The following PPP2R3C variants were observed in gnomAD, a reference collection of about 807,000 sequenced individuals.
PPP2R3C encodes serine/threonine-protein phosphatase 2A regulatory subunit B'' subunit gamma.
Under a neutral mutation model 63.7 loss-of-function variants are expected in PPP2R3C, and 47 were observed. That is an observed-to-expected ratio of 0.74 (90% confidence interval 0.58 to 0.94). The LOEUF (loss-of-function observed/expected upper bound fraction) is 0.94, where lower values mean the gene tolerates loss of function less well. Among genes scored for constraint, PPP2R3C ranks in the 40% least tolerant of loss-of-function variants. The pLI, the probability that PPP2R3C is intolerant of heterozygous loss-of-function variation, is 0.00. For missense variants in PPP2R3C, 421 were observed against 518.4 expected, an observed-to-expected ratio of 0.81 and a Z score of 1.82; for synonymous variants, 180 against 177.4, an observed-to-expected ratio of 1.01 and a Z score of -0.12.
Position 35,087,988 on chromosome 14 carries a change from A to G in PPP2R3C, c.1136T>C (p.Ile379Thr). The G allele has an allele frequency of 6.2e-7, 1 of 1,600,342 alleles. No homozygotes were observed. Among genetic ancestry groups the G allele is most frequent in the Non-Finnish European group, 8.6e-7 (1 of 1,167,604 alleles). The stretch of plus-strand genomic sequence containing the variant: ...AAATGAAACAGGATCTTGTCCATGG[A>G]TTTTCATTAGTTCCTGTATGGCCTG... ...FFRAIQELMK[I>T]HGQDPVSFQD... The change falls in exon 12 of 13, where the codon ATC (isoleucine) becomes ACC (threonine). Residue 379 changes from isoleucine to threonine, a missense_variant. Around this residue, in one of 3 missense-constraint regions of PPP2R3C, gnomAD observed 231 missense variants for 264.8 expected, o/e 0.87. Transcript: ENST00000261475.
At chr14:35,087,695 C>T (rs192382701) in intron 12 of PPP2R3C, 272 of 398,730 alleles carry the variant, frequency 6.8e-4, no homozygotes, top group African/African-American at 5.2e-3. Flanking sequence ...CCACTGAGCC[C>T]GGCCCCCTGA....
chr14:35,108,233 T>C lies in PPP2R3C; in HGVS notation c.408A>G (p.Gln136=), dbSNP rs2046423191. Residue 136 remains glutamine (Q), a synonymous_variant, in exon 5 of 13, where the codon CAA becomes CAG. Transcript: ENST00000261475. ...VGEKAGAKCK[Q]FFTAKVFAKL... is the part of the protein sequence containing the mutation. ...TAGCAAAGACTTTTGCTGTGAAAAA[T>C]TGCCTAAGAAAAGAAAATAAAGATT... 3 of 1,570,162 alleles carry C rather than the reference T, an allele frequency of 1.9e-6. No homozygotes were observed. In the East Asian group the frequency reaches 6.9e-5, roughly 36 times the overall value.
intron 4 of PPP2R3C, among the ~76,000 whole-genome samples, chr14:35,108,601 C>T (rs2046438093): frequency 6.6e-6 from 1 of 151,460 alleles, no homozygotes; most frequent in Non-Finnish European, 1.5e-5. Flanking sequence ...TTATATTGGC[C>T]CAGCCAATAT....
chr14:35,085,950 C>T, intron 12 of PPP2R3C, 172 bp from the exon 13 acceptor site: 1 of 572,152 alleles, frequency 1.7e-6, no homozygotes, highest in East Asian at 3.1e-5. Context: ...TTCCATTTAA[C>T]AGGCAGTTTC....
rs1381272494 is a variant in PPP2R3C, at chr14:35,091,108, C to T, written c.1075G>A (p.Gly359Arg). The change falls in exon 11 of 13, where the codon GGA becomes AGA. Residue 359 changes from glycine (G) to arginine (R), a missense_variant. Physicochemically the swap from Gly to Arg is moderately radical, Grantham distance 125. Around this residue, in one of 3 missense-constraint regions of PPP2R3C, gnomAD observed 231 missense variants for 264.8 expected, o/e 0.87. Transcript: ENST00000261475. ...TTAAGTGAAAAGACATTCAGGTATC[C>T]TTTGTTCTCAATATCAAGCAGTTTG... The part of the protein sequence containing the change: ...IFKLLDIENK[G>R]YLNVFSLNYF... The T allele has an allele frequency of 1.2e-6, 2 of 1,607,556 alleles. No individual in the cohort carries two copies. Among genetic ancestry groups the T allele is most frequent in the South Asian group, 2.2e-5 (2 of 90,548 alleles).
intron 1 of PPP2R3C, among the ~76,000 whole-genome samples, chr14:35,117,716 T>C (rs1439112835): frequency 6.6e-6 from 1 of 152,006 alleles, no homozygotes; most frequent in Non-Finnish European, 1.5e-5. Context: ...TTTTTGGAGA[T>C]GGAGCTTCAC....
At chr14:35,098,918 G>A in intron 7 of PPP2R3C, 1 of 177,444 alleles carries the variant, frequency 5.6e-6, no homozygotes, top group Non-Finnish European at 1.2e-5. Flanking sequence ...AGCAGAGACA[G>A]CAAATTATAT....
chr14:35,122,298 C>T (rs1566434773), upstream of PPP2R3C: 2 of 302,196 alleles, frequency 6.6e-6, no homozygotes, highest in Non-Finnish European at 1.3e-5. Flanking sequence ...CACCACGTGA[C>T]CCAGGAGTTC....
intron 2 of PPP2R3C, among the ~76,000 whole-genome samples, chr14:35,111,991 T>C (rs1159001941): frequency 2.0e-5 from 3 of 152,254 alleles, no homozygotes; most frequent in African/African-American, 7.2e-5. Context: ...CCCATCTTGA[T>C]AAATTGGCTC....
At chr14:35,108,368 A>G in intron 4 of PPP2R3C, 132 bp from the exon 5 acceptor site, 3 of 1,207,252 alleles carry the variant, frequency 2.5e-6, no homozygotes, top group Non-Finnish European at 3.2e-6. Flanking sequence ...TTATAATTCA[A>G]AAACTTAAAA....
chr14:35,093,516 CTCTTT>C (rs1403547617), intron 10 of PPP2R3C, among the ~76,000 whole-genome samples: 1 of 152,040 alleles, frequency 6.6e-6, no homozygotes, highest in Middle Eastern at 3.2e-3. Context: ...GCCTTTTCCC[CTCTTT>C]TCTTTTGTTG....
chr14:35,122,035 C>G, upstream of PPP2R3C: 1 of 1,526,010 alleles, frequency 6.6e-7, no homozygotes, highest in Non-Finnish European at 9.1e-7. Context: ...GGCGTCAGCA[C>G]CGCCAGGCCC....
At chr14:35,098,977 A>G in intron 7 of PPP2R3C, 1 of 253,602 alleles carries the variant, frequency 3.9e-6, no homozygotes, top group Non-Finnish European at 7.3e-6. Flanking sequence ...ATGACTGACT[A>G]CCCAGTTCAT....
chr14:35,096,788 A>AT (rs2046012483), intron 7 of PPP2R3C, 24 bp from the exon 8 acceptor site: 2 of 1,538,538 alleles, frequency 1.3e-6, no homozygotes, highest in East Asian at 4.6e-5. Flanking sequence ...AAGAAACACA[A>AT]TTAATTTCAT....
intron 11 of PPP2R3C, among the ~76,000 whole-genome samples, chr14:35,090,147 A>T (rs1170005007): frequency 6.6e-6 from 1 of 152,008 alleles, no homozygotes; most frequent in Non-Finnish European, 1.5e-5. Context: ...GATAAATTCT[A>T]TACTTGTGAT....
chr14:35,097,094 A>C (rs2046023234), intron 7 of PPP2R3C, among the ~76,000 whole-genome samples: 1 of 152,138 alleles, frequency 6.6e-6, no homozygotes, highest in South Asian at 2.1e-4. Flanking sequence ...GGGCGCCTGT[A>C]ATCCCAGCTA....
At chr14:35,122,045 C>T (rs1324298538), upstream of PPP2R3C, 4 of 1,500,430 alleles carry the variant, frequency 2.7e-6, no homozygotes, top group African/African-American at 1.4e-5. Context: ...CCGCCAGGCC[C>T]CGTAAAGGTT....
chr14:35,115,039 G>A (rs1447983584), intron 2 of PPP2R3C, among the ~76,000 whole-genome samples: 4 of 151,588 alleles, frequency 2.6e-5, no homozygotes, highest in African/African-American at 7.3e-5. Context: ...TCACTATGTT[G>A]CCCAGGCTGG....
intron 6 of PPP2R3C, among the ~76,000 whole-genome samples, chr14:35,106,096 C>T (rs1425688275): frequency 3.3e-5 from 5 of 152,032 alleles, no homozygotes; most frequent in Admixed American, 1.3e-4. Context: ...CCGCCCGCCT[C>T]GGCCTCCCAA....
Sources: allele counts gnomAD v4.1 joint callset (sites outside exome capture counted in the v4.1 genomes callset), GRCh38; gene constraint gnomAD v4.1.1; regional missense constraint gnomAD v4.1.1; transcripts MANE v1.5; gene names NCBI Gene and HGNC (gene_info 2026-07-23, HGNC 2026-07-21).